Variants in CRACR2A observed in about 807,000 individuals in gnomAD.
The protein encoded by CRACR2A is EF-hand calcium-binding domain-containing protein 4B.
A neutral mutation model predicts 90.5 loss-of-function variants in CRACR2A; 79 were observed. That is an observed-to-expected ratio of 0.87 (90% CI 0.73 to 1.05). The LOEUF is 1.05. Ranked by LOEUF, CRACR2A falls within the 50% of genes least tolerant of loss-of-function variation. CRACR2A has a pLI of 0.00. For missense variants in CRACR2A, 823 were observed against 897.2 expected (o/e 0.92, Z 1.06); for synonymous variants, 338 against 356.7 (o/e 0.95, Z 0.59).
rs748922393 is a variant in CRACR2A at position 3,682,538 on chromosome 12, A to T, written c.229-2189T>A. ...ATATTATAGGTTCCAAGTAATTCTT[A>T]CTACTCAAGTGCTGGCAAGTCAGCG... On this transcript the variant is annotated intron_variant, in intron 4 of 19. Coordinates refer to ENST00000440314, the MANE Select transcript of CRACR2A (RefSeq NM_001144958.2). Among the ~76,000 whole-genome samples, 62 of 152,304 alleles carry T rather than the reference A, an allele frequency of 4.1e-4. 2 individuals are homozygous for T. Among genetic ancestry groups the T allele is most frequent in the Non-Finnish European group, 6.9e-4 (47 of 68,020 alleles).
At chr12:3,696,727 C>T (rs1312252091) in intron 4 of CRACR2A, 45 bp downstream of exon 4, 3 of 1,612,536 alleles carry the variant, frequency 1.9e-6, no homozygotes, top group African/African-American at 2.7e-5. Context: ...GACAGGAAGA[C>T]ATCTGGCATT....
At chr12:3,745,835 A>AAATAAAATAAAATAAAATAAAATAAAAT (rs1946616765) in intron 1 of CRACR2A, among the ~76,000 whole-genome samples, 1 of 57,498 alleles carries the variant, frequency 1.7e-5, no homozygotes, top group Admixed American at 1.6e-4. Flanking sequence ...TAAAGAAAGA[A>AAATAAAATAAAATAAAATAAAATAAAAT]AAGAGAAGAG....
rs2137577176 is a variant in CRACR2A at position 3,673,329 on chromosome 12, CA to C, written c.671+116del. On this transcript the variant is annotated intron_variant, in intron 7 of 19. Transcript: ENST00000440314. ...ACACAGGGCCTGGTCCCCACTTTGG[CA>C]GACAGCAAAAGGAGGCATTGCACGA... 4 of 1,301,192 alleles carry C rather than the reference CA, an allele frequency of 3.1e-6. No individual in the cohort carries two copies. The Admixed American group carries it at 9.2e-5, about 30-fold the overall frequency. 80.6% of individuals were successfully genotyped at this position (1,301,192 alleles called of 1,614,324 possible).
intron 2 of CRACR2A, chr12:3,730,727 T>C (rs1376380966): frequency 6.6e-6 from 1 of 152,052 alleles, no homozygotes; most frequent in Non-Finnish European, 1.5e-5. Context: ...CTGTTATAAT[T>C]ATGTAAGAAG....
intron 7 of CRACR2A, among the ~76,000 whole-genome samples, chr12:3,669,959 TAG>T (rs1945211758): frequency 6.6e-6 from 1 of 152,192 alleles, no homozygotes; most frequent in African/African-American, 2.4e-5. Context: ...GGAGAAAAAT[TAG>T]AGGCTATGCT....
At chr12:3,617,076 G>C (rs1181967861) in intron 18 of CRACR2A, 46 bp from the exon 19 acceptor site, 2 of 1,430,534 alleles carry the variant, frequency 1.4e-6, no homozygotes, top group Non-Finnish European at 1.9e-6. Flanking sequence ...GGAGTGAGAG[G>C]GGATTGTGGG....
chr12:3,699,529 G>T (rs1945800441), intron 3 of CRACR2A, among the ~76,000 whole-genome samples: 1 of 152,158 alleles, frequency 6.6e-6, no homozygotes, highest in African/African-American at 2.4e-5. Flanking sequence ...CTATTAAATA[G>T]CTGTGTGACC....
At chr12:3,685,940 G>A (rs970373682) in intron 4 of CRACR2A, among the ~76,000 whole-genome samples, 2 of 152,232 alleles carry the variant, frequency 1.3e-5, no homozygotes, top group Non-Finnish European at 2.9e-5. Context: ...GAGGACATCA[G>A]GTACTGGGCT....
In CRACR2A at chr12:3,746,658, C is replaced by T. The variant is rs2137922809; in HGVS notation, c.-387+6357G>A. On this transcript the variant is annotated intron_variant, in intron 1 of 19. Coordinates refer to ENST00000440314, the MANE Select transcript of CRACR2A (RefSeq NM_001144958.2). The surrounding 1 kb of genome is among the most constrained non-coding windows in gnomAD (Gnocchi z 4.4). ...TATGCATGCCTACTACAGGGACCACCCCTCTCTTCTTAGACCAGACCCCCT... is the reference window on the plus strand; with the variant it reads ...TATGCATGCCTACTACAGGGACCACTCCTCTCTTCTTAGACCAGACCCCCT... 6.6e-6 allele frequency among the ~76,000 whole-genome samples: 1 copy of T among 152,344 alleles called. No homozygotes were observed. The highest frequency in any genetic ancestry group is 2.1e-4 in the South Asian group (1 of 4,828).
intron 7 of CRACR2A, among the ~76,000 whole-genome samples, chr12:3,668,651 C>A (rs1437197385): frequency 1.3e-5 from 2 of 152,182 alleles, no homozygotes; most frequent in Admixed American, 6.5e-5. Flanking sequence ...GTTTCCTTGT[C>A]CTCGAGGCTC....
intron 7 of CRACR2A, among the ~76,000 whole-genome samples, chr12:3,663,987 T>A (rs912217862): frequency 5.9e-5 from 9 of 152,352 alleles, no homozygotes; most frequent in Non-Finnish European, 1.3e-4. Flanking sequence ...CTATTTCTAG[T>A]CCATCTTTCC....
At chr12:3,714,446 G>A (rs950326367) in intron 2 of CRACR2A, among the ~76,000 whole-genome samples, 10 of 152,148 alleles carry the variant, frequency 6.6e-5, no homozygotes, top group African/African-American at 2.4e-4. Context: ...CAAACAAATG[G>A]GGAGACTTCA....
intron 8 of CRACR2A, 76 bp downstream of exon 8, chr12:3,659,488 A>G (rs928655840): frequency 7.1e-6 from 10 of 1,407,154 alleles, no homozygotes; most frequent in Non-Finnish European, 1.0e-5. Flanking sequence ...GGGGGCACCA[A>G]AATCTTAAAC....
At position 3,746,763 on chromosome 12, in the gene CRACR2A, G is replaced by C. The variant is rs1189609859; in HGVS notation, c.-387+6252C>G. The stretch of plus-strand genomic sequence containing the variant: ...TGAGAGACTCTGCTTCTGCCTCCTG[G>C]AGAATTTCAATCCAAGACAAGCACA... On this transcript the variant is annotated intron_variant, in intron 1 of 19. Transcript: ENST00000440314. This position sits in a 1 kb window ranked among gnomAD's most constrained non-coding sequence, Gnocchi z 4.4. 6.6e-6 allele frequency among the ~76,000 whole-genome samples: 1 copy of C among 152,174 alleles called. No homozygotes were observed. The highest frequency in any genetic ancestry group is 2.4e-5 in the African/African-American group (1 of 41,452).
intron 13 of CRACR2A, among the ~76,000 whole-genome samples, chr12:3,639,879 C>G (rs1318311747): frequency 6.6e-5 from 10 of 152,098 alleles, no homozygotes; most frequent in Non-Finnish European, 1.3e-4. Flanking sequence ...CTATATATTG[C>G]ATCAAGCTTA....
At position 3,632,370 on chromosome 12, in the gene CRACR2A, A is replaced by C. The variant is rs575605864; in HGVS notation, c.1735+1234T>G. On this transcript the variant is annotated intron_variant, in intron 15 of 19. Coordinates refer to ENST00000440314, the MANE Select transcript of CRACR2A (RefSeq NM_001144958.2). The stretch of plus-strand genomic sequence containing the variant: ...TAGACTAATACAGGTACCCAGTTAC[A>C]ACCTCTCATTTTTCAAATGAGAGAA... Among the ~76,000 whole-genome samples the C allele has an allele frequency of 2.0e-5, 3 of 152,324 alleles. No homozygotes were observed. The South Asian group carries it at 6.2e-4, about 32-fold the overall frequency.
chr12:3,661,195 A>T (rs1037478981), intron 7 of CRACR2A, among the ~76,000 whole-genome samples: 1 of 152,126 alleles, frequency 6.6e-6, no homozygotes, highest in Non-Finnish European at 1.5e-5. Flanking sequence ...CATTTTCACC[A>T]TGTGCACAGG....
intron 1 of CRACR2A, among the ~76,000 whole-genome samples, chr12:3,734,629 A>ATG (rs59680765): frequency 0.26 from 38,854 of 149,218 alleles, 5,151 homozygotes; most frequent in Middle Eastern, 0.4. Flanking sequence ...AGGTGTGTGT[A>ATG]TGTGTGTGTG....
chr12:3,716,059 CTTT>C (rs565438217), intron 2 of CRACR2A, among the ~76,000 whole-genome samples: 1 of 143,238 alleles, frequency 7.0e-6, no homozygotes, highest in African/African-American at 2.6e-5. Context: ...CTCTCCCAGG[CTTT>C]TTTTTTTTTT....
Sources: gnomAD v4.1 joint callset for allele counts (sites outside exome capture counted in the v4.1 genomes callset) on GRCh38, gnomAD v4.1.1 for gene constraint, Gnocchi (gnomAD v3.1) non-coding constraint, MANE v1.5 for transcripts, NCBI Gene and HGNC (gene_info 2026-07-23, HGNC 2026-07-21) for gene names.